The following CDC42BPA variants were observed in gnomAD, a reference collection of about 807,000 sequenced individuals.
CDC42BPA encodes the protein CDC42 binding protein kinase alpha, also known as serine/threonine-protein kinase MRCK alpha.
Under a neutral mutation model 223.5 loss-of-function variants are expected in CDC42BPA, and 80 were observed. The ratio of observed to expected loss-of-function variants is 0.36; its 90% confidence interval spans 0.30 to 0.43. CDC42BPA has a LOEUF of 0.43. Among genes scored for constraint, CDC42BPA ranks in the 20% least tolerant of loss-of-function variants. The pLI is 1.00. For synonymous variants in CDC42BPA, 694 were observed against 718.6 expected, an observed-to-expected ratio of 0.97 and a Z score of 0.55; for missense variants, 1,743 against 2,099.9, an observed-to-expected ratio of 0.83 and a Z score of 3.32.
chr1:227,020,738 C>T (rs1194138156), intron 32 of CDC42BPA, among the ~76,000 whole-genome samples: 1 of 152,200 alleles, frequency 6.6e-6, no homozygotes, highest in Admixed American at 6.5e-5. Flanking sequence ...TCTGTAACAG[C>T]ACTTTATTTC....
At chr1:227,218,893 T>G (rs985709021) in intron 2 of CDC42BPA, among the ~76,000 whole-genome samples, 2 of 152,338 alleles carry the variant, frequency 1.3e-5, no homozygotes, top group African/African-American at 4.8e-5. Context: ...TACAAAGAGT[T>G]TATTAAACCA....
At chr1:227,142,924 A>T in intron 9 of CDC42BPA, 21 bp downstream of exon 9, 1 of 1,524,778 alleles carries the variant, frequency 6.6e-7, no homozygotes, top group Non-Finnish European at 8.8e-7. Flanking sequence ...GGCCCAAACT[A>T]TGTTAACTTT....
At chr1:227,013,623 C>A (rs1049240882) in intron 34 of CDC42BPA, among the ~76,000 whole-genome samples, 5 of 151,898 alleles carry the variant, frequency 3.3e-5, no homozygotes, top group Non-Finnish European at 7.4e-5. Context: ...CTGTAGTATG[C>A]GGGCTAGAAT....
chr1:227,084,471 C>T (rs1354740653), intron 16 of CDC42BPA, among the ~76,000 whole-genome samples: 1 of 147,170 alleles, frequency 6.8e-6, no homozygotes, highest in Non-Finnish European at 1.5e-5. Flanking sequence ...GAGGTTGCAA[C>T]GAGCAGAGAT....
At chr1:227,085,396 AT>A (rs1373434222) in intron 16 of CDC42BPA, among the ~76,000 whole-genome samples, 4 of 152,222 alleles carry the variant, frequency 2.6e-5, no homozygotes, top group Non-Finnish European at 5.9e-5. Flanking sequence ...TGTAAAGATC[AT>A]TTTTATTCTG....
chr1:227,265,146 A>G, intron 1 of CDC42BPA: 1 of 726,888 alleles, frequency 1.4e-6, no homozygotes, highest in South Asian at 1.4e-5. Flanking sequence ...CTAAGATTCC[A>G]GCAACCACTT....
chr1:227,129,522 G>T (rs1480959144), intron 10 of CDC42BPA, among the ~76,000 whole-genome samples: 1 of 151,526 alleles, frequency 6.6e-6, no homozygotes, highest in East Asian at 1.9e-4. Flanking sequence ...ATAAAAATTG[G>T]CAGGGCATGG....
intron 2 of CDC42BPA, among the ~76,000 whole-genome samples, chr1:227,239,239 A>G (rs1010993766): frequency 3.9e-5 from 6 of 152,184 alleles, no homozygotes; most frequent in Non-Finnish European, 5.9e-5. Flanking sequence ...ATAAAAAAAG[A>G]CCAGTGGTGG....
chr1:227,269,612 A>G (rs1052563479), intron 1 of CDC42BPA, among the ~76,000 whole-genome samples: 2 of 152,206 alleles, frequency 1.3e-5, no homozygotes, highest in Non-Finnish European at 1.5e-5. Flanking sequence ...TATATTTGTA[A>G]CAAATATTTA....
At chr1:227,050,240 A>G (rs1174595981) in intron 22 of CDC42BPA, among the ~76,000 whole-genome samples, 1 of 152,200 alleles carries the variant, frequency 6.6e-6, no homozygotes, top group Non-Finnish European at 1.5e-5. Context: ...AAGATGCTGA[A>G]TAACACTAGA....
chr1:227,300,311 C>T (rs1691397146), intron 1 of CDC42BPA, among the ~76,000 whole-genome samples: 1 of 152,122 alleles, frequency 6.6e-6, no homozygotes, highest in South Asian at 2.1e-4. Context: ...AATCCCACTG[C>T]TGGGTATCTA....
chr1:227,188,665 A>G (rs1669224720), intron 5 of CDC42BPA, among the ~76,000 whole-genome samples: 1 of 152,218 alleles, frequency 6.6e-6, no homozygotes, highest in Non-Finnish European at 1.5e-5. Context: ...TGAGACAGTA[A>G]AAAGATCAGT....
At chr1:227,193,675 T>G (rs1389210527) in intron 5 of CDC42BPA, 111 bp downstream of exon 5, 2 of 892,312 alleles carry the variant, frequency 2.2e-6, no homozygotes, top group Admixed American at 5.7e-5. Context: ...TTTTTTTGGT[T>G]GACGATAAAT....
At chr1:227,273,896 G>C (rs1686431335) in intron 1 of CDC42BPA, among the ~76,000 whole-genome samples, 1 of 146,342 alleles carries the variant, frequency 6.8e-6, no homozygotes, top group Non-Finnish European at 1.5e-5. Context: ...AAAGCTCTTG[G>C]AACAGCTTAG....
At chr1:227,190,651 C>A (rs1225524876) in intron 5 of CDC42BPA, among the ~76,000 whole-genome samples, 1 of 152,220 alleles carries the variant, frequency 6.6e-6, no homozygotes, top group Non-Finnish European at 1.5e-5. Flanking sequence ...AAAGCCACAA[C>A]TATATGCTAT....
At chr1:227,292,823 G>A (rs1231532729) in intron 1 of CDC42BPA, among the ~76,000 whole-genome samples, 1 of 152,134 alleles carries the variant, frequency 6.6e-6, no homozygotes, top group African/African-American at 2.4e-5. Flanking sequence ...TTATTTGAAT[G>A]ACTACCCTTT....
At chr1:226,998,936 A>AAGAAATTTACAAGAAATTT (rs1572148821) in intron 35 of CDC42BPA, among the ~76,000 whole-genome samples, 1 of 152,344 alleles carries the variant, frequency 6.6e-6, no homozygotes, top group East Asian at 1.9e-4. Flanking sequence ...AAGGAACTTA[A>AAGAAATTTACAAGAAATTT]ACAAATTTAC....
At chr1:227,012,015 T>G (rs1665316185) in intron 34 of CDC42BPA, among the ~76,000 whole-genome samples, 1 of 152,188 alleles carries the variant, frequency 6.6e-6, no homozygotes, top group Admixed American at 6.6e-5. Flanking sequence ...TACCTAGCCT[T>G]AGAAGAAAGG....
intron 5 of CDC42BPA, among the ~76,000 whole-genome samples, chr1:227,173,902 A>C (rs61834562): frequency 1.3e-5 from 2 of 152,042 alleles, no homozygotes; most frequent in African/African-American, 4.8e-5. Flanking sequence ...CGAACTTCCA[A>C]TTGGTGTCAG....
Sources: allele counts gnomAD v4.1 joint callset (sites outside exome capture counted in the v4.1 genomes callset), GRCh38; gene constraint gnomAD v4.1.1; transcripts MANE v1.5; gene names NCBI Gene and HGNC (gene_info 2026-07-23, HGNC 2026-07-21).